CCDC14: variants seen among roughly 807,000 people sequenced by gnomAD.
CCDC14 encodes the protein coiled-coil domain containing 14, also known as coiled-coil domain-containing protein 14.
Under a neutral mutation model 81.4 loss-of-function variants are expected in CCDC14, and 71 were observed. The ratio of observed to expected loss-of-function variants is 0.87; its 90% CI spans 0.72 to 1.06. The LOEUF (loss-of-function observed/expected upper bound fraction) is 1.06, where lower values mean the gene tolerates loss of function less well. CCDC14 is among the 50% of genes least tolerant of loss of function. CCDC14 has a pLI of 0.00. For missense variants in CCDC14, 1,046 were observed against 1,047.3 expected (o/e 1.00, Z 0.02); for synonymous variants, 332 against 364.8 (o/e 0.91, Z 1.03).
At chr3:123,905,815 TCC>T (rs2034294738) in intron 5 of CCDC14, among the ~76,000 whole-genome samples, 1 of 152,060 alleles carries the variant, frequency 6.6e-6, no homozygotes, top group Non-Finnish European at 1.5e-5. Flanking sequence ...GGCTTAACAG[TCC>T]ATGCTAAAGG....
intron 7 of CCDC14, 94 bp downstream of exon 7, chr3:123,948,597 A>C (rs2036804355): frequency 1.5e-5 from 14 of 924,188 alleles, no homozygotes; most frequent in Middle Eastern, 5.5e-4. Context: ...TTTAAATCCT[A>C]GTGCATTAAG....
intron 5 of CCDC14, chr3:123,949,564 CA>C (rs1304089517): frequency 6.5e-6 from 1 of 154,572 alleles, no homozygotes; most frequent in African/African-American, 2.4e-5. Flanking sequence ...CAAAACAAAA[CA>C]AAACCAACCA....
chr3:123,958,654 C>G (rs2037485187), intron 1 of CCDC14: 1 of 152,012 alleles, frequency 6.6e-6, no homozygotes, highest in Non-Finnish European at 1.5e-5. Flanking sequence ...TTCCTAAAAA[C>G]AAGGCCATTC....
rs1173337152 is a variant in CCDC14, at chr3:123,949,078, CT to C, written c.406del (p.Arg136GlufsTer6). The C allele has an allele frequency of 6.2e-7, 1 of 1,612,490 alleles. No individual in the cohort carries two copies. The highest frequency in any genetic ancestry group is 1.7e-5 in the Admixed American group (1 of 59,816). ...GTTTTGCTCTAGGTCTGATGTGTCT[CT>C]TTCACTTCTAGCAGAAGCTTCATTA... ...IPNEASARSE[R>X]DTSDLEQNWS... On this transcript the variant is annotated frameshift_variant, in exon 6 of 13. Coordinates refer to ENST00000409697, the MANE Select transcript of CCDC14 (RefSeq NM_001366335.1). LOFTEE classifies it high-confidence loss of function.
At chr3:123,889,650 C>T in the CCDC14 span, among the ~76,000 whole-genome samples, 42 of 152,312 alleles carry the variant, frequency 2.8e-4, no homozygotes, top group South Asian at 8.3e-3. Context: ...CATTGAGTGC[C>T]TGCAGCTTTT....
chr3:123,906,109 C>A lies in CCDC14; in HGVS notation c.668-8496G>T, dbSNP rs183675744. On this transcript the variant is annotated intron_variant, in intron 5 of 5. Coordinates refer to the CCDC14 transcript ENST00000479903. Reference sequence around the variant, plus strand: ...CTTTGGGAGGCCAAGGCGGGTGGATCATGAGGTCAGGAGATCGAGACCATC... The same window carrying A: ...CTTTGGGAGGCCAAGGCGGGTGGATAATGAGGTCAGGAGATCGAGACCATC... 3.0e-3 allele frequency among the ~76,000 whole-genome samples: 449 copies of A among 152,202 alleles called. 2 individuals are homozygous for A. Among genetic ancestry groups the A allele is most frequent in the African/African-American group, 9.9e-3 (412 of 41,532 alleles).
At position 123,915,604 on chromosome 3, in the gene CCDC14, A is replaced by T. The variant is rs2034631743; in HGVS notation, c.1893T>A (p.Leu631=). Residue 631 remains leucine, a synonymous_variant, in exon 13 of 13, where the codon CTT becomes CTA. Coordinates refer to ENST00000409697, the MANE Select transcript of CCDC14 (RefSeq NM_001366335.1). ...KSLLNIHDKQ[L]QHDPAPAHTS... is the part of the protein sequence containing the mutation. Reference sequence around the variant, plus strand: ...TGTGAGCAGGAGCTGGGTCATGTTGAAGTTGTTTATCATGAATGTTCAAGA... The same window carrying T: ...TGTGAGCAGGAGCTGGGTCATGTTGTAGTTGTTTATCATGAATGTTCAAGA... 1.2e-6 allele frequency: 2 copies of T among 1,613,980 alleles called. No individual in the cohort carries two copies. Among genetic ancestry groups the T allele is most frequent in the African/African-American group, 2.7e-5 (2 of 75,042 alleles).
rs145057047 is a variant in CCDC14 at position 123,915,106 on chromosome 3, A to C, written c.2391T>G (p.Leu797=). 3.5e-5 allele frequency: 56 copies of C among 1,613,828 alleles called. No individual in the cohort carries two copies. In the African/African-American group the frequency reaches 6.4e-4, roughly 18 times the overall value. Residue 797 remains leucine (L), a synonymous_variant, in exon 13 of 13, where the codon CTT becomes CTG. Transcript: ENST00000409697. The part of the protein sequence containing the change: ...TKEAEDAPEK[L]SRASDMKDTQ... ...TGTCCTTCATATCAGATGCTCTGGAAAGTTTTTCAGGTGCATCTTCTGCTT... is the reference window on the plus strand; with the variant it reads ...TGTCCTTCATATCAGATGCTCTGGACAGTTTTTCAGGTGCATCTTCTGCTT...
intron 12 of CCDC14, among the ~76,000 whole-genome samples, chr3:123,916,984 G>A (rs944956445): frequency 6.6e-6 from 1 of 151,804 alleles, no homozygotes; most frequent in African/African-American, 2.4e-5. Context: ...TGGGACTACA[G>A]GTGCCCTCCA....
intron 1 of CCDC14, among the ~76,000 whole-genome samples, chr3:123,959,380 G>A (rs2037535016): frequency 6.6e-6 from 1 of 152,116 alleles, no homozygotes. Flanking sequence ...TCCTGGATTA[G>A]TGATGTTGAG....
intron 5 of CCDC14, among the ~76,000 whole-genome samples, chr3:123,902,763 ATTG>A (rs1418966436): frequency 3.3e-5 from 5 of 152,168 alleles, no homozygotes; most frequent in African/African-American, 9.7e-5. Flanking sequence ...ATGAATAATT[ATTG>A]TTAATTTTTT....
At chr3:123,905,381 G>A (rs1029876062) in intron 5 of CCDC14, among the ~76,000 whole-genome samples, 1 of 152,134 alleles carries the variant, frequency 6.6e-6, no homozygotes, top group Admixed American at 6.5e-5. Context: ...ACTTCTGGGG[G>A]GCAGAAGAGC....
At chr3:123,908,525 TTAAAA>T (rs1212308790), downstream of CCDC14, among the ~76,000 whole-genome samples, 3 of 152,214 alleles carry the variant, frequency 2.0e-5, no homozygotes, top group African/African-American at 4.8e-5. Flanking sequence ...TCCCACCAAC[TTAAAA>T]TATCATTGCC....
intron 5 of CCDC14, among the ~76,000 whole-genome samples, chr3:123,906,382 T>C (rs367930907): frequency 2.8e-5 from 4 of 141,534 alleles, no homozygotes; most frequent in African/African-American, 7.9e-5. Context: ...AAAAGAAAGA[T>C]CACATCAGGA....
At chr3:123,957,715 G>A (rs2037408882) in intron 1 of CCDC14, 1 of 152,034 alleles carries the variant, frequency 6.6e-6, no homozygotes, top group Non-Finnish European at 1.5e-5. Flanking sequence ...GGGAAACAGA[G>A]TATCTGGGGG....
chr3:123,921,046 CA>C (rs1251245009), intron 12 of CCDC14, among the ~76,000 whole-genome samples: 1 of 152,124 alleles, frequency 6.6e-6, no homozygotes. Flanking sequence ...CAAAAACCTA[CA>C]GAATTTGCAC....
At chr3:123,944,715 G>C in intron 9 of CCDC14, 134 bp downstream of exon 9, 1 of 569,200 alleles carries the variant, frequency 1.8e-6, no homozygotes, top group East Asian at 3.1e-5. Context: ...TGAAAAATGA[G>C]GAAGAAAAGT....
At chr3:123,912,852 T>G (rs1441724172), downstream of CCDC14, among the ~76,000 whole-genome samples, 1 of 152,172 alleles carries the variant, frequency 6.6e-6, no homozygotes, top group Non-Finnish European at 1.5e-5. Context: ...AATTGTGTTT[T>G]CTTCATTTAT....
At chr3:123,915,795 T>A in intron 12 of CCDC14, 77 bp from the exon 13 acceptor site, 1 of 1,114,012 alleles carries the variant, frequency 9.0e-7, no homozygotes. Context: ...CCTCCATCTT[T>A]AAAAAAAGGA....
Sources: allele counts gnomAD v4.1 joint callset (sites outside exome capture counted in the v4.1 genomes callset), GRCh38; gene constraint gnomAD v4.1.1; transcripts MANE v1.5; gene names NCBI Gene and HGNC (gene_info 2026-07-23, HGNC 2026-07-21).